CATSPERB: variants seen among roughly 807,000 people sequenced by gnomAD.
The protein encoded by CATSPERB is cation channel sperm-associated auxiliary subunit beta.
Under a neutral mutation model 128.3 loss-of-function variants are expected in CATSPERB, and 93 were observed. The observed-to-expected ratio is 0.72, with a 90% confidence interval of 0.61 to 0.86. The LOEUF is 0.86. Ranked by LOEUF, CATSPERB falls within the 40% of genes least tolerant of loss-of-function variation. The pLI is 0.00. For missense variants in CATSPERB, 1,153 were observed against 1,329.5 expected, an observed-to-expected ratio of 0.87 and a Z score of 2.06; for synonymous variants, 381 against 448.8, an observed-to-expected ratio of 0.85 and a Z score of 1.91.
intron 1 of CATSPERB, 57 bp from the exon 2 acceptor site, chr14:91,729,536 C>A: frequency 2.1e-6 from 2 of 933,998 alleles, no homozygotes; most frequent in South Asian, 1.6e-5. Flanking sequence ...TTTTGAATTC[C>A]TTTTGCTATA....
chr14:91,702,362 C>T (rs905923050), intron 7 of CATSPERB, among the ~76,000 whole-genome samples: 2 of 150,258 alleles, frequency 1.3e-5, no homozygotes, highest in South Asian at 2.1e-4. Flanking sequence ...AAAAAAATCG[C>T]GGTTTTTGCC....
chr14:91,620,465 C>A (rs2139786506), intron 19 of CATSPERB, among the ~76,000 whole-genome samples: 1 of 152,188 alleles, frequency 6.6e-6, no homozygotes, highest in South Asian at 2.1e-4. Flanking sequence ...CAATTTTCTT[C>A]TTTTCCTTGC....
chr14:91,659,979 T>C lies in CATSPERB; in HGVS notation c.1290A>G (p.Ile430Met), dbSNP rs2139820982. The C allele has an allele frequency of 1.9e-6, 3 of 1,577,982 alleles. No homozygotes were observed. The highest frequency in any genetic ancestry group is 2.6e-6 in the Non-Finnish European group (3 of 1,168,940). Residue 430 changes from isoleucine to methionine, a missense_variant and splice_region_variant, in exon 15 of 27, where the codon ATA becomes ATG. Ile to Met is a conservative substitution (Grantham distance 10). Transcript: ENST00000256343. ...TGTTGCCGCCATCAACTGAAAGCCA[T>C]ATCTAAAGGAATAAAGAGATAATAC... ...SHFLYAYGNQ[I>M]WLSVDGGNTF... is the part of the protein sequence containing the mutation.
intron 4 of CATSPERB, among the ~76,000 whole-genome samples, chr14:91,722,341 G>A (rs937711099): frequency 1.3e-5 from 2 of 152,188 alleles, no homozygotes; most frequent in African/African-American, 4.8e-5. Flanking sequence ...TATACAATGC[G>A]ATATTATTTG....
chr14:91,622,493 G>T (rs2139788575), intron 18 of CATSPERB, among the ~76,000 whole-genome samples: 2 of 152,308 alleles, frequency 1.3e-5, no homozygotes, highest in South Asian at 4.1e-4. Context: ...AAGAAGAAAT[G>T]ATTGGAGAAA....
At chr14:91,624,118 C>A (rs1313868344) in intron 18 of CATSPERB, among the ~76,000 whole-genome samples, 2 of 152,198 alleles carry the variant, frequency 1.3e-5, no homozygotes, top group Admixed American at 1.3e-4. Flanking sequence ...GAAGCTGAGG[C>A]AGGCGGATCA....
chr14:91,683,831 A>T (rs1186677550), intron 11 of CATSPERB, 46 bp downstream of exon 11: 1 of 1,155,508 alleles, frequency 8.7e-7, no homozygotes, highest in Non-Finnish European at 1.3e-6. Flanking sequence ...AGTTACACAT[A>T]TATGTAAAAG....
chr14:91,706,831 C>A (rs769694029), intron 6 of CATSPERB, among the ~76,000 whole-genome samples: 1 of 152,090 alleles, frequency 6.6e-6, no homozygotes, highest in Non-Finnish European at 1.5e-5. Flanking sequence ...CATCTTAGTC[C>A]ACCAAGAAGC....
At chr14:91,590,518 G>A (rs553168257) in intron 23 of CATSPERB, among the ~76,000 whole-genome samples, 5 of 152,144 alleles carry the variant, frequency 3.3e-5, no homozygotes, top group South Asian at 2.1e-4. Context: ...GCGACAGAGC[G>A]AGACTTGGTC....
chr14:91,671,910 T>G (rs555554189), intron 13 of CATSPERB, among the ~76,000 whole-genome samples: 1 of 151,594 alleles, frequency 6.6e-6, no homozygotes, highest in East Asian at 2.0e-4. Context: ...TCCCAGCTAC[T>G]CGGAGAGGCT....
rs187301583 is a variant in CATSPERB, at chr14:91,631,185, G to A, written c.1742+5240C>T. 2.3e-4 allele frequency among the ~76,000 whole-genome samples: 35 copies of A among 152,336 alleles called. 1 individual carries two copies. In the South Asian group the frequency reaches 2.5e-3, roughly 11 times the overall value. The stretch of plus-strand genomic sequence containing the variant: ...TAGAATGTCATCTCCATGCAGGGAA[G>A]AGTCTTGTCTATCTTGTTTACCACT... On this transcript the variant is annotated intron_variant, in intron 17 of 26. Transcript: ENST00000256343.
intron 7 of CATSPERB, among the ~76,000 whole-genome samples, chr14:91,694,053 A>G (rs969155809): frequency 5.3e-5 from 8 of 152,164 alleles, no homozygotes; most frequent in Admixed American, 2.6e-4. Flanking sequence ...TGAAAATGGT[A>G]TATAATTTCC....
intron 3 of CATSPERB, among the ~76,000 whole-genome samples, chr14:91,724,683 C>T (rs1337556350): frequency 6.6e-6 from 1 of 151,906 alleles, no homozygotes; most frequent in Non-Finnish European, 1.5e-5. Flanking sequence ...CATTCCTTAC[C>T]CAAAATGACA....
intron 17 of CATSPERB, among the ~76,000 whole-genome samples, chr14:91,627,075 A>G (rs1894177667): frequency 2.0e-5 from 3 of 152,252 alleles, no homozygotes; most frequent in Admixed American, 6.5e-5. Flanking sequence ...AGAAATTGCA[A>G]TTACAACAAT....
In CATSPERB at chr14:91,610,520, T is replaced by C. The variant is rs756117204; in HGVS notation, c.2558A>G (p.His853Arg). The C allele has an allele frequency of 3.0e-5, 49 of 1,613,912 alleles. No individual in the cohort carries two copies. The highest frequency in any genetic ancestry group is 1.6e-4 in the Middle Eastern group (1 of 6,084). ...IPFEDWISGV[H>R]KDSQGFNLIK... The stretch of plus-strand genomic sequence containing the variant: ...GAGGTTAAAACCCTGACTGTCTTTA[T>C]GAACTCCACTAATCCAGTCTTCAAA... Residue 853 changes from histidine to arginine, a missense_variant, in exon 21 of 27, where the codon CAT (histidine) becomes CGT (arginine). Coordinates refer to ENST00000256343, the MANE Select transcript of CATSPERB (RefSeq NM_024764.4).
At chr14:91,669,230 G>A (rs1895043689) in intron 14 of CATSPERB, among the ~76,000 whole-genome samples, 1 of 152,110 alleles carries the variant, frequency 6.6e-6, no homozygotes, top group Non-Finnish European at 1.5e-5. Flanking sequence ...TTCCTTCTTT[G>A]GAAGTCATTG....
At chr14:91,673,072 C>A in intron 12 of CATSPERB, 56 bp from the exon 13 acceptor site, 1 of 1,440,032 alleles carries the variant, frequency 6.9e-7, no homozygotes, top group Non-Finnish European at 9.4e-7. Context: ...AGTTCTAATT[C>A]TCTTAGTGAA....
chr14:91,695,863 T>C (rs1020352610), intron 7 of CATSPERB, among the ~76,000 whole-genome samples: 2 of 152,188 alleles, frequency 1.3e-5, no homozygotes, highest in Non-Finnish European at 2.9e-5. Context: ...GGTGGTCACA[T>C]TGGCGATGGA....
rs757479477 is a variant in CATSPERB, at chr14:91,672,961, G to C, written c.1034C>G (p.Pro345Arg). Residue 345 changes from proline (P) to arginine (R), a missense_variant, in exon 13 of 27, where the codon CCT (proline) becomes CGT (arginine). Pro to Arg is a moderately radical substitution (Grantham distance 103). Coordinates refer to ENST00000256343, the MANE Select transcript of CATSPERB (RefSeq NM_024764.4). ...EPFLEWVPCL[P>R]HIFKGIKIFP... ...AATTTTTATTCCTTTAAAAATGTGAGGTAAGCAGGGTACCCATTCAAGAAA... is the reference window on the plus strand; with the variant it reads ...AATTTTTATTCCTTTAAAAATGTGACGTAAGCAGGGTACCCATTCAAGAAA... 1.3e-6 allele frequency: 2 copies of C among 1,598,584 alleles called. No individual in the cohort carries two copies. Among genetic ancestry groups the C allele is most frequent in the Non-Finnish European group, 1.7e-6 (2 of 1,176,538 alleles).
Sources: gnomAD v4.1 joint callset for allele counts (sites outside exome capture counted in the v4.1 genomes callset) on GRCh38, gnomAD v4.1.1 for gene constraint, MANE v1.5 for transcripts, NCBI Gene and HGNC (gene_info 2026-07-23, HGNC 2026-07-21) for gene names.